Variants in WDFY4 observed in about 807,000 individuals in gnomAD.
WDFY4 encodes the protein WDFY family member 4, also known as WD repeat- and FYVE domain-containing protein 4.
WDFY4 carries 169 observed loss-of-function variants against 351.9 expected under a neutral mutation model. The observed-to-expected ratio is 0.48, with a 90% confidence interval of 0.42 to 0.55. WDFY4 has a LOEUF of 0.55. Among genes scored for constraint, WDFY4 ranks in the 20% least tolerant of loss-of-function variants. The probability of loss-of-function intolerance (pLI) is 0.00; values close to 1 mark genes in which losing one functional copy is unlikely to be tolerated. For missense variants in WDFY4, 3,803 were observed against 3,935.6 expected, an observed-to-expected ratio of 0.97 and a Z score of 0.90; for synonymous variants, 1,622 against 1,574.6, an observed-to-expected ratio of 1.03 and a Z score of -0.71.
rs11101465 is a variant in WDFY4, at chr10:48,765,777, A to G, written c.2553+5337A>G. Among the ~76,000 whole-genome samples, 62 of 152,320 alleles carry G rather than the reference A, an allele frequency of 4.1e-4. 1 individual carries two copies. The East Asian group carries it at 0.011, about 28-fold the overall frequency. ...GGCAATGGCACAGTCAGGCCAGGAC[A>G]TTAGAGAGACTATTGTCATCCTCAG... On this transcript the variant is annotated intron_variant, in intron 13 of 61. Coordinates refer to ENST00000325239, the MANE Select transcript of WDFY4 (RefSeq NM_001394531.1).
chr10:48,975,192 A>C, intron 58 of WDFY4, 151 bp downstream of exon 58: 107 of 975,526 alleles, frequency 1.1e-4, no homozygotes, highest in Middle Eastern at 2.5e-4. Context: ...TGTAGATCTC[A>C]CTTGTAGCAC....
At chr10:48,693,924 G>T (rs1174993039) in intron 1 of WDFY4, among the ~76,000 whole-genome samples, 2 of 152,232 alleles carry the variant, frequency 1.3e-5, no homozygotes, top group East Asian at 3.8e-4. Context: ...GACGTAGGTG[G>T]TTTGTGCCCT....
chr10:48,969,088 C>T lies in WDFY4; in HGVS notation c.8609C>T (p.Ser2870Leu). The T allele has an allele frequency of 6.4e-7, 1 of 1,551,584 alleles. No individual in the cohort carries two copies. Among genetic ancestry groups the T allele is most frequent in the Non-Finnish European group, 8.7e-7 (1 of 1,146,872 alleles). The change falls in exon 56 of 62, where the codon TCA becomes TTA. Residue 2870 changes from serine (S) to leucine (L), a missense_variant. Ser to Leu is a moderately radical substitution (Grantham distance 145, BLOSUM62 -2). This residue lies in a region of WDFY4 where 3,054 missense variants were observed against 3,148.6 expected (regional missense o/e 0.97). Transcript: ENST00000325239. ...GATATGTACCTCTTTTCTCTAGGCT[C>T]AGAGTCCCCCAAAGGGGCCATTGGC... Reference protein sequence around the residue: ...VKDMYLFSLGSESPKGAIGHI... With the variant: ...VKDMYLFSLGLESPKGAIGHI...
intron 47 of WDFY4, among the ~76,000 whole-genome samples, chr10:48,911,849 C>T (rs1838034304): frequency 1.3e-5 from 2 of 152,012 alleles, no homozygotes; most frequent in Admixed American, 6.6e-5. Flanking sequence ...TCTAGATCTC[C>T]CAAGGTTTTA....
At chr10:48,819,447 T>A (rs569287173) in intron 32 of WDFY4, among the ~76,000 whole-genome samples, 1 of 152,196 alleles carries the variant, frequency 6.6e-6, no homozygotes, top group African/African-American at 2.4e-5. Context: ...TATGGCTTAA[T>A]TAAGAACGGC....
At chr10:48,957,413 TCCACTGG>T (rs781250945) in intron 52 of WDFY4, 131 bp downstream of exon 52, 106 of 1,176,434 alleles carry the variant, frequency 9.0e-5, no homozygotes, top group Admixed American at 2.1e-4. Context: ...GGGTGAGGTC[TCCACTGG>T]GCAGCAGTGC....
rs117417351 is a variant in WDFY4 at position 48,744,043 on chromosome 10, A to T, written c.2459+495A>T. Among the ~76,000 whole-genome samples, 52 of 152,260 alleles carry T rather than the reference A, an allele frequency of 3.4e-4. 1 individual carries two copies. In the East Asian group the frequency reaches 6.4e-3, roughly 19 times the overall value. On this transcript the variant is annotated intron_variant, in intron 12 of 61. Coordinates refer to ENST00000325239, the MANE Select transcript of WDFY4 (RefSeq NM_001394531.1). ...CTTGCTGCTTCTACACCCCCTAACA[A>T]AGACAATTGCTCTCCTTACTTCCGC...
chr10:48,918,476 G>A (rs1180507962), intron 47 of WDFY4, among the ~76,000 whole-genome samples: 1 of 152,104 alleles, frequency 6.6e-6, no homozygotes, highest in African/African-American at 2.4e-5. Flanking sequence ...TTTACAGGAA[G>A]TAAGACCATT....
At chr10:48,823,219 A>G in intron 35 of WDFY4, 1 of 1,303,664 alleles carries the variant, frequency 7.7e-7, no homozygotes, top group Non-Finnish European at 1.0e-6. Context: ...TTTTCCTGAC[A>G]AGCCTCCAGG....
chr10:48,697,928 G>T (rs1054205915), intron 1 of WDFY4, among the ~76,000 whole-genome samples: 2 of 152,184 alleles, frequency 1.3e-5, no homozygotes, highest in African/African-American at 4.8e-5. Flanking sequence ...CCTCCAGCTT[G>T]CTTCCTGCCT....
At chr10:48,823,566 A>G in intron 35 of WDFY4, 1 of 1,069,712 alleles carries the variant, frequency 9.3e-7, no homozygotes. Flanking sequence ...AAAGACTTGA[A>G]TTCAAAGGCT....
At chr10:48,933,316 G>A (rs749616847) in intron 47 of WDFY4, among the ~76,000 whole-genome samples, 15 of 152,098 alleles carry the variant, frequency 9.9e-5, no homozygotes, top group Admixed American at 5.2e-4. Flanking sequence ...ATTTAATCTA[G>A]TCACTCCACT....
intron 47 of WDFY4, among the ~76,000 whole-genome samples, chr10:48,922,444 A>G (rs968124242): frequency 6.6e-6 from 1 of 152,234 alleles, no homozygotes; most frequent in Non-Finnish European, 1.5e-5. Flanking sequence ...GGGGAAAAAA[A>G]CAAATCATAT....
chr10:48,724,397 A>G (rs2064196097), intron 5 of WDFY4, among the ~76,000 whole-genome samples: 1 of 152,096 alleles, frequency 6.6e-6, no homozygotes, highest in East Asian at 1.9e-4. Context: ...AGGGTAGTGC[A>G]TGAGTTCTGG....
chr10:48,868,085 G>T (rs1189009052), intron 40 of WDFY4, among the ~76,000 whole-genome samples: 1 of 152,188 alleles, frequency 6.6e-6, no homozygotes, highest in African/African-American at 2.4e-5. Flanking sequence ...TCCTGGGTGG[G>T]CCACAGAGCA....
intron 51 of WDFY4, among the ~76,000 whole-genome samples, chr10:48,952,641 T>A (rs1308214231): frequency 6.6e-6 from 1 of 152,202 alleles, no homozygotes; most frequent in African/African-American, 2.4e-5. Flanking sequence ...CCATTTTGGC[T>A]GACCTTAGTG....
At chr10:48,760,754 T>C (rs1053947136) in intron 13 of WDFY4, among the ~76,000 whole-genome samples, 1 of 152,172 alleles carries the variant, frequency 6.6e-6, no homozygotes, top group Admixed American at 6.5e-5. Flanking sequence ...GGTGTTAAGC[T>C]CAGCACCTGG....
intron 2 of WDFY4, among the ~76,000 whole-genome samples, chr10:48,716,487 G>A (rs2063914868): frequency 6.6e-6 from 1 of 152,160 alleles, no homozygotes; most frequent in African/African-American, 2.4e-5. Context: ...CCCAGTTTGG[G>A]AAAAAATTAG....
rs200373296 is a variant in WDFY4, at chr10:48,915,423, T to A, written c.7586+13560T>A. On this transcript the variant is annotated intron_variant, in intron 47 of 61. Transcript: ENST00000325239. ...CTGTGCCTCCTGCTTGCTGATTTTT[T>A]TTTTTGGACCAAGATTTCCAAACCA... Among the ~76,000 whole-genome samples the A allele has an allele frequency of 9.7e-3, 1,473 of 151,376 alleles. 15 individuals carry two copies. Among genetic ancestry groups the A allele is most frequent in the East Asian group, 0.03 (156 of 5,124 alleles).
Sources: allele counts gnomAD v4.1 joint callset (sites outside exome capture counted in the v4.1 genomes callset), GRCh38; gene constraint gnomAD v4.1.1; regional missense constraint gnomAD v4.1.1; transcripts MANE v1.5; gene names NCBI Gene and HGNC (gene_info 2026-07-23, HGNC 2026-07-21).